ANO1: variants seen among roughly 807,000 people sequenced by gnomAD.
ANO1 encodes anoctamin 1.
Under a neutral mutation model 124.0 loss-of-function variants are expected in ANO1, and 59 were observed. The observed-to-expected ratio is 0.48, with a 90% CI of 0.39 to 0.59. ANO1 has a LOEUF of 0.59. Among genes scored for constraint, ANO1 ranks in the 20% least tolerant of loss-of-function variants. The pLI is 0.00. For synonymous variants in ANO1, 529 were observed against 532.0 expected (o/e 0.99, Z 0.08); for missense variants, 1,059 against 1,328.0 (o/e 0.80, Z 3.15).
rs1857072599 is a variant in ANO1 at position 70,035,164 on chromosome 11, G to A, written c.59-43378G>A. 2.6e-5 allele frequency among the ~76,000 whole-genome samples: 4 copies of A among 152,204 alleles called. No homozygotes were observed. In the South Asian group the frequency reaches 8.3e-4, roughly 32 times the overall value. ...CAGGGAAACAAGGTGCTGCTTTCCA[G>A]CCAGCCGAGAGCTATGACCCGTGGA... On this transcript the variant is annotated intron_variant, in intron 1 of 27. Transcript: ENST00000531349.
chr11:70,142,956 TA>T (rs1390216460), intron 11 of ANO1, among the ~76,000 whole-genome samples: 3 of 152,136 alleles, frequency 2.0e-5, no homozygotes, highest in Non-Finnish European at 4.4e-5. Context: ...CATCTTCAAA[TA>T]CCATCACCTG....
intron 1 of ANO1, among the ~76,000 whole-genome samples, chr11:70,062,063 CTTTCTTTT>C (rs1159677510): frequency 1.3e-5 from 1 of 76,714 alleles, no homozygotes; most frequent in African/African-American, 4.2e-5. Context: ...CTCTTTCCTT[CTTTCTTTT>C]TTTTTTTTTT....
intron 15 of ANO1, among the ~76,000 whole-genome samples, 173 bp downstream of exon 15, chr11:70,156,161 G>A (rs1356228014): frequency 6.6e-6 from 1 of 151,804 alleles, no homozygotes. Context: ...GGCACTGCAT[G>A]GCTATGGTGG....
At chr11:70,181,400 CT>C (rs1242973814) in intron 23 of ANO1, among the ~76,000 whole-genome samples, 1 of 152,228 alleles carries the variant, frequency 6.6e-6, no homozygotes, top group Admixed American at 6.5e-5. Flanking sequence ...GTGGGCAACG[CT>C]TTCTGCCAGG....
chr11:70,013,108 C>G (rs1555001365), intron 1 of ANO1, among the ~76,000 whole-genome samples: 1 of 152,210 alleles, frequency 6.6e-6, no homozygotes, highest in Non-Finnish European at 1.5e-5. Context: ...AATCCGGGAC[C>G]TGAAGGATGA....
At chr11:70,096,844 G>A (rs1194884846) in intron 2 of ANO1, among the ~76,000 whole-genome samples, 1 of 152,074 alleles carries the variant, frequency 6.6e-6, no homozygotes, top group Non-Finnish European at 1.5e-5. Context: ...CTGGGTGACA[G>A]AGTGGGACTC....
chr11:69,977,928 T>C, the ANO1 span, among the ~76,000 whole-genome samples: 13 of 152,328 alleles, frequency 8.5e-5, no homozygotes, highest in South Asian at 2.7e-3. Context: ...TGGTCCTCTC[T>C]TGAGGGGCTG....
chr11:70,152,359 T>C (rs1340797351), intron 12 of ANO1, 91 bp from the exon 13 acceptor site: 3 of 974,212 alleles, frequency 3.1e-6, no homozygotes, highest in African/African-American at 3.4e-5. Context: ...AAAAAAAAAG[T>C]TGTCCTTAGT....
At chr11:69,973,101 G>A in the ANO1 span, among the ~76,000 whole-genome samples, 1 of 151,798 alleles carries the variant, frequency 6.6e-6, no homozygotes. Flanking sequence ...GTAGAGATGG[G>A]GTTTTCCATG....
chr11:70,011,505 A>C (rs1856597891), intron 1 of ANO1, among the ~76,000 whole-genome samples: 1 of 152,172 alleles, frequency 6.6e-6, no homozygotes, highest in African/African-American at 2.4e-5. Context: ...CCACTCTGGT[A>C]CTGGGGACAT....
intron 7 of ANO1, among the ~76,000 whole-genome samples, chr11:70,115,388 G>A (rs377599311): frequency 7.9e-5 from 12 of 151,764 alleles, no homozygotes; most frequent in Non-Finnish European, 5.9e-5. Flanking sequence ...CGAGGCGAGC[G>A]GATCACTTGA....
intron 23 of ANO1, among the ~76,000 whole-genome samples, chr11:70,180,529 T>C (rs1248817127): frequency 6.6e-6 from 1 of 152,120 alleles, no homozygotes; most frequent in African/African-American, 2.4e-5. Flanking sequence ...CTCCTCGGCC[T>C]CCCAAAGTGC....
At chr11:70,185,467 C>T (rs1328742572) in intron 24 of ANO1, 123 bp from the exon 25 acceptor site, 1 of 805,822 alleles carries the variant, frequency 1.2e-6, no homozygotes, top group Non-Finnish European at 2.0e-6. Flanking sequence ...AGAGGGCTGC[C>T]CTCCCGGAGG....
intron 1 of ANO1, among the ~76,000 whole-genome samples, chr11:70,020,221 C>T (rs1381986621): frequency 6.6e-6 from 1 of 152,206 alleles, no homozygotes; most frequent in Non-Finnish European, 1.5e-5. Context: ...TGTCTGATAG[C>T]GAAAGCTTGG....
the ANO1 span, among the ~76,000 whole-genome samples, chr11:69,967,667 C>A: frequency 6.6e-6 from 1 of 152,224 alleles, no homozygotes; most frequent in Admixed American, 6.5e-5. Flanking sequence ...CTGTCACGGC[C>A]CCCGTTTACA....
intron 8 of ANO1, among the ~76,000 whole-genome samples, chr11:70,118,576 AGATGGATGGATGGATG>A (rs56391691): frequency 4.3e-5 from 6 of 138,260 alleles, no homozygotes; most frequent in Non-Finnish European, 7.8e-5. Context: ...ATGGATGGAT[AGATGGATGGATGGATG>A]GATGGATGGA....
At chr11:70,030,210 A>G (rs907306708) in intron 1 of ANO1, among the ~76,000 whole-genome samples, 1 of 152,228 alleles carries the variant, frequency 6.6e-6, no homozygotes, top group African/African-American at 2.4e-5. Flanking sequence ...GCTGCAGCCC[A>G]GGCTTATTGC....
rs150870122 is a variant in ANO1, at chr11:70,066,931, G to A, written c.59-11611G>A. 1.2e-4 allele frequency among the ~76,000 whole-genome samples: 18 copies of A among 152,334 alleles called. No homozygotes were observed. In the East Asian group the frequency reaches 2.9e-3, roughly 24 times the overall value. On this transcript the variant is annotated intron_variant, in intron 1 of 27. Transcript: ENST00000531349. ...GTCCCCACTCCCAGGCCCATGCAAAGGGGCCCAAAACAAACTTGAAAAAGC... is the reference window on the plus strand; with the variant it reads ...GTCCCCACTCCCAGGCCCATGCAAAAGGGCCCAAAACAAACTTGAAAAAGC...
Position 70,161,690 on chromosome 11 carries a change from A to AT in ANO1, c.1849_1850insT (p.Asn617IlefsTer86). 1 of 1,614,014 alleles carries AT rather than the reference A, an allele frequency of 6.2e-7. No homozygotes were observed. The highest frequency in any genetic ancestry group is 1.3e-5 in the African/African-American group (1 of 75,050). ...CAAGGCTTTCCTGCTGAAGTTTGTG[A>AT]ATTCCTACACCCCCATCTTTTACGT... On this transcript the variant is annotated frameshift_variant, in exon 18 of 26. Transcript: ENST00000355303. LOFTEE classifies it high-confidence loss of function.
Sources: allele counts gnomAD v4.1 joint callset (sites outside exome capture counted in the v4.1 genomes callset), GRCh38; gene constraint gnomAD v4.1.1; transcripts MANE v1.5; gene names NCBI Gene and HGNC (gene_info 2026-07-23, HGNC 2026-07-21).